The following MDGA2 variants were observed in gnomAD, a reference collection of about 807,000 sequenced individuals.
MDGA2 encodes MAM domain-containing glycosylphosphatidylinositol anchor protein 2.
In MDGA2, 40 loss-of-function variants were observed where a neutral mutation model predicts 117.8. That is an observed-to-expected ratio of 0.34 (90% CI 0.26 to 0.44). The LOEUF (loss-of-function observed/expected upper bound fraction) is 0.44, where lower values mean the gene tolerates loss of function less well. Among genes scored for constraint, MDGA2 ranks in the 20% least tolerant of loss-of-function variants. The probability of loss-of-function intolerance (pLI) is 1.00; values close to 1 mark genes in which losing one functional copy is unlikely to be tolerated. For missense variants in MDGA2, 1,123 were observed against 1,250.6 expected, an observed-to-expected ratio of 0.90 and a Z score of 1.54; for synonymous variants, 452 against 439.0, an observed-to-expected ratio of 1.03 and a Z score of -0.37.
At chr14:47,502,276 GA>G (rs1301899441) in intron 1 of MDGA2, among the ~76,000 whole-genome samples, 1 of 152,020 alleles carries the variant, frequency 6.6e-6, no homozygotes, top group African/African-American at 2.4e-5. Flanking sequence ...TTTGAGTTAC[GA>G]TCATGTCAAT....
chr14:47,152,330 C>G (rs1213371940), intron 3 of MDGA2, among the ~76,000 whole-genome samples: 1 of 152,086 alleles, frequency 6.6e-6, no homozygotes, highest in African/African-American at 2.4e-5. Flanking sequence ...CTATTAATCT[C>G]AACATGTAGG....
intron 8 of MDGA2, among the ~76,000 whole-genome samples, chr14:46,965,085 G>A (rs1336298429): frequency 7.1e-6 from 1 of 140,408 alleles, no homozygotes; most frequent in Non-Finnish European, 1.5e-5. Flanking sequence ...CACCACGCCC[G>A]GCTAATTTTT....
At chr14:47,172,747 C>A (rs1445255238) in intron 3 of MDGA2, among the ~76,000 whole-genome samples, 1 of 152,194 alleles carries the variant, frequency 6.6e-6, no homozygotes, top group Non-Finnish European at 1.5e-5. Context: ...AGCGCCTCTC[C>A]TCCTCCAAAG....
At chr14:47,285,093 G>C (rs2139751617) in intron 2 of MDGA2, among the ~76,000 whole-genome samples, 1 of 152,210 alleles carries the variant, frequency 6.6e-6, no homozygotes, top group South Asian at 2.1e-4. Context: ...AGATATATTA[G>C]AGAAGTTTAT....
chr14:46,855,889 C>T lies in MDGA2; in HGVS notation c.2753-735G>A, dbSNP rs1439998026. ...TTTTCAGTTTGATTTTTACCTGTCT[C>T]ATTTTTCTTCTAAAAGAGTTATTGG... On this transcript the variant is annotated intron_variant, in intron 14 of 16. Coordinates refer to ENST00000399232, the MANE Select transcript of MDGA2 (RefSeq NM_001113498.3). The surrounding 1 kb of genome is among the most constrained non-coding windows in gnomAD (Gnocchi z 4.1). Among the ~76,000 whole-genome samples the T allele has an allele frequency of 1.3e-5, 2 of 152,012 alleles. No individual in the cohort carries two copies. The highest frequency in any genetic ancestry group is 4.8e-5 in the African/African-American group (2 of 41,410).
At chr14:47,086,477 A>C (rs78693937) in intron 6 of MDGA2, among the ~76,000 whole-genome samples, 14,495 of 152,178 alleles carry the variant, frequency 0.095, 806 homozygotes, top group African/African-American at 0.15. Context: ...TCAATTAAAA[A>C]TTGTATGTAA....
chr14:47,423,707 T>C (rs1181312198), intron 1 of MDGA2, among the ~76,000 whole-genome samples: 6 of 152,244 alleles, frequency 3.9e-5, no homozygotes, highest in Non-Finnish European at 8.8e-5. Context: ...TATTATTTCC[T>C]ACTGAATTTT....
At chr14:47,182,469 T>G (rs1884746973) in intron 3 of MDGA2, among the ~76,000 whole-genome samples, 1 of 152,022 alleles carries the variant, frequency 6.6e-6, no homozygotes, top group Admixed American at 6.6e-5. Flanking sequence ...TAGGAGTGTG[T>G]GCACACAGTG....
chr14:47,418,065 C>A (rs1027616993), intron 1 of MDGA2, among the ~76,000 whole-genome samples: 1 of 151,862 alleles, frequency 6.6e-6, no homozygotes, highest in African/African-American at 2.4e-5. Context: ...AATTAGGGTA[C>A]TTTTTAATTT....
At chr14:47,101,521 G>C (rs73248013) in intron 5 of MDGA2, among the ~76,000 whole-genome samples, 134 of 152,256 alleles carry the variant, frequency 8.8e-4, no homozygotes, top group African/African-American at 3.0e-3. Context: ...TGAGGTCACT[G>C]AGTGTGGCTG....
At chr14:47,314,171 T>C (rs1889730186) in intron 1 of MDGA2, among the ~76,000 whole-genome samples, 1 of 152,182 alleles carries the variant, frequency 6.6e-6, no homozygotes, top group South Asian at 2.1e-4. Context: ...CCTCTGTTTC[T>C]GTATCTGTAA....
intron 1 of MDGA2, among the ~76,000 whole-genome samples, chr14:47,503,537 C>G (rs865942421): frequency 1.1e-4 from 17 of 151,382 alleles, no homozygotes; most frequent in African/African-American, 2.9e-4. Context: ...TCCCTAGTAG[C>G]TGGGCTACAG....
At chr14:46,906,971 T>C (rs1416282414) in intron 10 of MDGA2, among the ~76,000 whole-genome samples, 1 of 124,266 alleles carries the variant, frequency 8.0e-6, no homozygotes, top group Non-Finnish European at 1.6e-5. Context: ...CTTACCTTTT[T>C]CTTTTTTTTT....
chr14:47,627,913 G>C (rs564261140), intron 1 of MDGA2, among the ~76,000 whole-genome samples: 9 of 152,122 alleles, frequency 5.9e-5, no homozygotes, highest in African/African-American at 2.2e-4. Context: ...GCACACATCC[G>C]AACATCAGAA....
chr14:47,517,813 T>C (rs1894786614), intron 1 of MDGA2, among the ~76,000 whole-genome samples: 1 of 152,204 alleles, frequency 6.6e-6, no homozygotes, highest in African/African-American at 2.4e-5. Context: ...AGTTCATTTG[T>C]TCCTATTTAT....
At chr14:46,885,541 A>T (rs1300141485) in intron 10 of MDGA2, among the ~76,000 whole-genome samples, 2 of 152,208 alleles carry the variant, frequency 1.3e-5, no homozygotes, top group African/African-American at 4.8e-5. Flanking sequence ...TCAAGTAGGC[A>T]GAAACTTTTT....
chr14:47,101,100 G>GATAC (rs1453519120), intron 5 of MDGA2, among the ~76,000 whole-genome samples: 3 of 126,018 alleles, frequency 2.4e-5, no homozygotes, highest in Admixed American at 2.3e-4. Flanking sequence ...TAGATAGATA[G>GATAC]ATAGATAGAT....
At chr14:47,176,012 G>T (rs1251878360) in intron 3 of MDGA2, among the ~76,000 whole-genome samples, 18 of 152,038 alleles carry the variant, frequency 1.2e-4, no homozygotes, top group Middle Eastern at 3.4e-3. Context: ...AATAACAGAT[G>T]AACAGAGAGC....
At chr14:47,547,082 G>A (rs1895477695) in intron 1 of MDGA2, among the ~76,000 whole-genome samples, 1 of 151,966 alleles carries the variant, frequency 6.6e-6, no homozygotes, top group Non-Finnish European at 1.5e-5. Context: ...TTTTAATGAG[G>A]GTGTCTCACA....
Sources: allele counts gnomAD v4.1 joint callset (sites outside exome capture counted in the v4.1 genomes callset), GRCh38; gene constraint gnomAD v4.1.1; non-coding constraint Gnocchi (gnomAD v3.1); transcripts MANE v1.5; gene names NCBI Gene and HGNC (gene_info 2026-07-23, HGNC 2026-07-21).